REC114: variants seen among roughly 807,000 people sequenced by gnomAD.
The protein encoded by REC114 is REC114 meiotic recombination protein.
A neutral mutation model predicts 31.3 loss-of-function variants in REC114; 27 were observed. That is an observed-to-expected ratio of 0.86 (90% CI 0.64 to 1.19). The LOEUF (loss-of-function observed/expected upper bound fraction) is 1.19, where lower values mean the gene tolerates loss of function less well. Ranked by LOEUF, REC114 falls within the 50% of genes most tolerant of loss-of-function variation. The pLI is 0.00. For missense variants in REC114, 344 were observed against 326.9 expected (o/e 1.05, Z -0.40); for synonymous variants, 134 against 127.7 (o/e 1.05, Z -0.33).
intron 2 of REC114, among the ~76,000 whole-genome samples, chr15:73,502,783 G>T (rs994747439): frequency 6.6e-6 from 1 of 152,140 alleles, no homozygotes; most frequent in East Asian, 1.9e-4. Flanking sequence ...ATTGTTCAGA[G>T]CATAAATATT....
At chr15:73,477,243 A>G (rs555661881) in intron 2 of REC114, among the ~76,000 whole-genome samples, 1 of 151,858 alleles carries the variant, frequency 6.6e-6, no homozygotes, top group East Asian at 1.9e-4. Flanking sequence ...TCTGGTTACA[A>G]CTCTTTTATC....
chr15:73,517,885 G>A (rs1173203683), intron 2 of REC114, among the ~76,000 whole-genome samples: 6 of 152,206 alleles, frequency 3.9e-5, no homozygotes, highest in Non-Finnish European at 4.4e-5. Context: ...ACAAGGGAAA[G>A]AGGAGGTTGA....
At chr15:73,473,127 C>A (rs752451313) in intron 1 of REC114, among the ~76,000 whole-genome samples, 3 of 152,238 alleles carry the variant, frequency 2.0e-5, no homozygotes, top group Admixed American at 2.0e-4. Context: ...CGATGGCTCA[C>A]GCCTGTAATC....
rs753968018 is a variant in REC114 at position 73,539,282 on chromosome 15, A to ATTTTTTTTTTT, written c.250-1187_250-1177dup. ...GCTTAGAGGTAGCATTTCAGAACTG[A>ATTTTTTTTTTT]TTTTTTTTTTTTTTTTTTTTTTTTT... On this transcript the variant is annotated intron_variant, in intron 2 of 5. Transcript: ENST00000331090. 3.6e-3 allele frequency among the ~76,000 whole-genome samples: 252 copies of ATTTTTTTTTTT among 70,820 alleles called. 39 individuals are homozygous for ATTTTTTTTTTT. The highest frequency in any genetic ancestry group is 0.015 in the African/African-American group (222 of 15,136). 46.5% of individuals were successfully genotyped at this position (70,820 alleles called of 152,430 possible).
chr15:73,497,158 G>A (rs776616555), intron 2 of REC114, among the ~76,000 whole-genome samples: 2 of 152,034 alleles, frequency 1.3e-5, no homozygotes, highest in Non-Finnish European at 1.5e-5. Flanking sequence ...CAACTATGTT[G>A]CCAGAAGATA....
intron 2 of REC114, among the ~76,000 whole-genome samples, chr15:73,484,862 T>G (rs1893344826): frequency 6.6e-6 from 1 of 152,228 alleles, no homozygotes; most frequent in Non-Finnish European, 1.5e-5. Context: ...GGTTTTAGTT[T>G]CCTTTTTATT....
chr15:73,495,304 G>T lies in REC114; in HGVS notation c.249+21383G>T, dbSNP rs533866298. 5.9e-5 allele frequency among the ~76,000 whole-genome samples: 9 copies of T among 151,690 alleles called. No individual in the cohort carries two copies. The East Asian group carries it at 1.4e-3, about 23-fold the overall frequency. ...TGTGTAGACTGTCTTTATTTTTAGA[G>T]CTCTTGTTTACTTTACTAGATTTGT... On this transcript the variant is annotated intron_variant, in intron 2 of 5. Coordinates refer to ENST00000331090, the MANE Select transcript of REC114 (RefSeq NM_001042367.2).
At chr15:73,488,522 C>A (rs1201176677) in intron 2 of REC114, among the ~76,000 whole-genome samples, 1 of 152,168 alleles carries the variant, frequency 6.6e-6, no homozygotes, top group Non-Finnish European at 1.5e-5. Flanking sequence ...GAGATTTCTT[C>A]TACTAAATAT....
intron 1 of REC114, among the ~76,000 whole-genome samples, chr15:73,457,160 T>C (rs560767677): frequency 1.3e-5 from 2 of 148,204 alleles, no homozygotes; most frequent in Admixed American, 1.4e-4. Context: ...GGGACAAGAG[T>C]GGCTGGGACT....
chr15:73,520,884 A>T (rs1242314008), intron 2 of REC114, among the ~76,000 whole-genome samples: 2 of 152,138 alleles, frequency 1.3e-5, no homozygotes, highest in African/African-American at 4.8e-5. Flanking sequence ...TCATTTTTTC[A>T]TTAATTCATC....
chr15:73,551,866 T>C (rs1267335998), intron 4 of REC114, among the ~76,000 whole-genome samples: 1 of 152,194 alleles, frequency 6.6e-6, no homozygotes, highest in African/African-American at 2.4e-5. Flanking sequence ...AAGTGAAAAT[T>C]AGAATCTTGA....
chr15:73,496,351 CAAAA>C (rs539098846), intron 2 of REC114, among the ~76,000 whole-genome samples: 11 of 20,512 alleles, frequency 5.4e-4, no homozygotes, highest in Non-Finnish European at 7.8e-4. Context: ...GACTCCTTCT[CAAAA>C]AAAAAAAAAA....
chr15:73,550,865 C>T lies in REC114; in HGVS notation c.334-73C>T, dbSNP rs1384979779. The stretch of plus-strand genomic sequence containing the variant: ...CTTCCTCCGCCAAGCAAAGGAAACA[C>T]TCAGTGGAAGACCCCAAAGTAAATA... On this transcript the variant is annotated intron_variant, in intron 3 of 5. Coordinates refer to ENST00000331090, the MANE Select transcript of REC114 (RefSeq NM_001042367.2). The T allele has an allele frequency of 2.8e-6, 4 of 1,417,058 alleles. No homozygotes were observed. The East Asian group carries it at 9.2e-5, about 33-fold the overall frequency. 87.8% of individuals were successfully genotyped at this position (1,417,058 alleles called of 1,614,324 possible).
chr15:73,473,363 T>C (rs912619204), intron 1 of REC114, among the ~76,000 whole-genome samples: 1 of 151,472 alleles, frequency 6.6e-6, no homozygotes, highest in East Asian at 1.9e-4. Flanking sequence ...CACTCCAGCC[T>C]GGGCAACAAG....
chr15:73,559,693 T>A, intron 5 of REC114, 59 bp from the exon 6 acceptor site: 1 of 1,442,278 alleles, frequency 6.9e-7, no homozygotes, highest in Non-Finnish European at 9.2e-7. Context: ...GCCTGTGTTC[T>A]ATTAGCCAGG....
At chr15:73,447,648 A>AAAGT (rs368430483) in intron 1 of REC114, among the ~76,000 whole-genome samples, 3 of 143,308 alleles carry the variant, frequency 2.1e-5, no homozygotes, top group Admixed American at 7.0e-5. Context: ...ACTCTGTCTC[A>AAAGT]AAATAAATAA....
chr15:73,501,434 T>C (rs1893602700), intron 2 of REC114, among the ~76,000 whole-genome samples: 1 of 152,162 alleles, frequency 6.6e-6, no homozygotes, highest in African/African-American at 2.4e-5. Flanking sequence ...TTTCCAGTTT[T>C]ATCAGCAGCA....
intron 3 of REC114, among the ~76,000 whole-genome samples, chr15:73,542,853 C>G (rs975933214): frequency 2.6e-5 from 4 of 151,984 alleles, no homozygotes; most frequent in Admixed American, 2.6e-4. Flanking sequence ...TAGGGTTTAA[C>G]TCATCGCTAA....
At chr15:73,451,145 C>G (rs190195018) in intron 1 of REC114, among the ~76,000 whole-genome samples, 17 of 152,220 alleles carry the variant, frequency 1.1e-4, no homozygotes, top group African/African-American at 3.9e-4. Flanking sequence ...CAGAGCAGAA[C>G]TGAAGGAGAC....
Sources: gnomAD v4.1 joint callset for allele counts (sites outside exome capture counted in the v4.1 genomes callset) on GRCh38, gnomAD v4.1.1 for gene constraint, MANE v1.5 for transcripts, NCBI Gene and HGNC (gene_info 2026-07-23, HGNC 2026-07-21) for gene names.